The following GPR63 variants were observed in gnomAD, a reference collection of about 807,000 sequenced individuals.
The protein encoded by GPR63 is probable G protein-coupled receptor 63.
Under a neutral mutation model 23.1 loss-of-function variants are expected in GPR63, and 12 were observed. The ratio of observed to expected loss-of-function variants is 0.52; its 90% CI spans 0.33 to 0.84. The LOEUF is 0.84. Ranked by LOEUF, GPR63 falls within the 40% of genes least tolerant of loss-of-function variation. The pLI, the probability that GPR63 is intolerant of heterozygous loss-of-function variation, is 0.02. For synonymous variants in GPR63, 172 were observed against 191.1 expected, an observed-to-expected ratio of 0.90 and a Z score of 0.82; for missense variants, 472 against 515.6, an observed-to-expected ratio of 0.92 and a Z score of 0.82.
chr6:96,810,888 C>T (rs1441584817), intron 1 of GPR63, among the ~76,000 whole-genome samples: 1 of 152,166 alleles, frequency 6.6e-6, no homozygotes, highest in Non-Finnish European at 1.5e-5. Flanking sequence ...TATTCTATCA[C>T]ACTTTTCTTC....
At chr6:96,808,312 A>T (rs1466742605) in intron 1 of GPR63, among the ~76,000 whole-genome samples, 1 of 152,216 alleles carries the variant, frequency 6.6e-6, no homozygotes, top group Non-Finnish European at 1.5e-5. Flanking sequence ...TTTCTTTAAA[A>T]AAATGAGACT....
At chr6:96,836,011 A>C (rs1464542533) in intron 1 of GPR63, among the ~76,000 whole-genome samples, 4 of 152,194 alleles carry the variant, frequency 2.6e-5, no homozygotes, top group Non-Finnish European at 5.9e-5. Flanking sequence ...TAATTGATGT[A>C]ATCAATTATG....
chr6:96,820,304 A>T (rs1655738378), intron 1 of GPR63, among the ~76,000 whole-genome samples: 1 of 152,208 alleles, frequency 6.6e-6, no homozygotes, highest in African/African-American at 2.4e-5. Flanking sequence ...ACATTTAGAA[A>T]CTAGTGACAG....
At chr6:96,833,255 T>C (rs1371858612) in intron 1 of GPR63, among the ~76,000 whole-genome samples, 3 of 152,194 alleles carry the variant, frequency 2.0e-5, no homozygotes, top group African/African-American at 7.2e-5. Context: ...TCCCTTTGTA[T>C]CCACATCCTC....
chr6:96,811,886 A>G (rs186217322), intron 1 of GPR63, among the ~76,000 whole-genome samples: 25 of 131,970 alleles, frequency 1.9e-4, no homozygotes, highest in Admixed American at 1.6e-3. Context: ...ATAAATAAAT[A>G]AATAAAATAA....
intron 1 of GPR63, among the ~76,000 whole-genome samples, chr6:96,815,394 T>C (rs1774139315): frequency 6.6e-6 from 1 of 152,188 alleles, no homozygotes; most frequent in Admixed American, 6.5e-5. Context: ...AAGCAGAGAA[T>C]AAAATGGTAG....
chr6:96,836,338 T>A (rs943832155), intron 1 of GPR63, among the ~76,000 whole-genome samples: 1 of 152,230 alleles, frequency 6.6e-6, no homozygotes, highest in African/African-American at 2.4e-5. Context: ...CCATGATTCT[T>A]AGAAACACTA....
chr6:96,801,009 T>C (rs1365099225), intron 1 of GPR63, among the ~76,000 whole-genome samples: 2 of 152,230 alleles, frequency 1.3e-5, no homozygotes, highest in African/African-American at 2.4e-5. Flanking sequence ...CTTTATCTGC[T>C]GTCTTACACA....
At chr6:96,831,949 T>C (rs1774595312) in intron 1 of GPR63, among the ~76,000 whole-genome samples, 2 of 151,680 alleles carry the variant, frequency 1.3e-5, no homozygotes, top group Non-Finnish European at 2.9e-5. Flanking sequence ...TTTTAAAAAT[T>C]GCACTGTAAG....
At chr6:96,809,495 C>G (rs767583586) in intron 1 of GPR63, among the ~76,000 whole-genome samples, 24 of 152,082 alleles carry the variant, frequency 1.6e-4, no homozygotes, top group Admixed American at 5.2e-4. Flanking sequence ...ATGCATGTAT[C>G]TATATCTACA....
At chr6:96,806,541 G>A (rs1012404514) in intron 1 of GPR63, among the ~76,000 whole-genome samples, 1 of 152,210 alleles carries the variant, frequency 6.6e-6, no homozygotes, top group African/African-American at 2.4e-5. Flanking sequence ...GGTGTCTGTG[G>A]CACATAGGGA....
chr6:96,799,810 C>A lies in GPR63; in HGVS notation c.-79G>T. The A allele has an allele frequency of 7.2e-7, 1 of 1,394,486 alleles. No individual in the cohort carries two copies. Among genetic ancestry groups the A allele is most frequent in the South Asian group, 1.2e-5 (1 of 85,726 alleles). 86.4% of individuals were successfully genotyped at this position (1,394,486 alleles called of 1,614,324 possible). On this transcript the variant is annotated 5_prime_UTR_variant, in exon 2 of 2. Coordinates refer to ENST00000229955, the MANE Select transcript of GPR63 (RefSeq NM_030784.4). ...TCAACACAGAACAGCAGTATCAGGT[C>A]CCATTGATGGGCTTGGAAATACATT... is the stretch of plus-strand genomic sequence containing the variant.
At position 96,836,053 on chromosome 6, in the gene GPR63, A is replaced by G. The variant is rs1328239844; in HGVS notation, c.-151+1215T>C. On this transcript the variant is annotated intron_variant, in intron 1 of 1. Transcript: ENST00000229955. The stretch of plus-strand genomic sequence containing the variant: ...AAATTTTGGCTATGCAACATTTTAC[A>G]AAATATAGGGACTTTTCATCAGCAC... 2.0e-5 allele frequency among the ~76,000 whole-genome samples: 3 copies of G among 152,134 alleles called. No individual in the cohort carries two copies. The East Asian group carries it at 5.8e-4, about 29-fold the overall frequency.
At chr6:96,835,359 T>C (rs772955680) in intron 1 of GPR63, among the ~76,000 whole-genome samples, 60 of 152,288 alleles carry the variant, frequency 3.9e-4, no homozygotes, top group Admixed American at 9.1e-4. Flanking sequence ...AGTTATACTA[T>C]ATATAGTATG....
At chr6:96,836,079 C>T (rs889595040) in intron 1 of GPR63, among the ~76,000 whole-genome samples, 1 of 151,924 alleles carries the variant, frequency 6.6e-6, no homozygotes, top group Non-Finnish European at 1.5e-5. Context: ...TCATCAGCAC[C>T]TTAGATTTGT....
intron 1 of GPR63, among the ~76,000 whole-genome samples, chr6:96,828,272 G>GGA: frequency 6.6e-6 from 1 of 152,030 alleles, no homozygotes; most frequent in Admixed American, 6.6e-5. Context: ...GTATGCAGAG[G>GGA]GAGAGAGAGA....
In GPR63 at chr6:96,801,730, C is replaced by A. The variant is rs184733582; in HGVS notation, c.-150-1849G>T. Among the ~76,000 whole-genome samples, 261 of 152,330 alleles carry A rather than the reference C, an allele frequency of 1.7e-3. 1 individual carries two copies. Among genetic ancestry groups the A allele is most frequent in the Middle Eastern group, 6.8e-3 (2 of 294 alleles). The stretch of plus-strand genomic sequence containing the variant: ...ATATCAACTTTACTACTTGCGTTCA[C>A]TTCTACGGTTTAATTTCTTTGCCCT... On this transcript the variant is annotated intron_variant, in intron 1 of 1. Transcript: ENST00000229955.
At chr6:96,828,632 C>T (rs1774502942) in intron 1 of GPR63, among the ~76,000 whole-genome samples, 1 of 146,858 alleles carries the variant, frequency 6.8e-6, no homozygotes, top group Admixed American at 6.8e-5. Context: ...GGAAAGAAGA[C>T]AAAGAAAAAG....
Position 96,830,293 on chromosome 6 carries a change from T to C in GPR63, c.-151+6975A>G, listed in dbSNP as rs576885186. ...CAATAAACATTCTTTAAAAGTAACA[T>C]GGCAAAATCAGTTTCTAAAGGATAT... On this transcript the variant is annotated intron_variant, in intron 1 of 1. Coordinates refer to ENST00000229955, the MANE Select transcript of GPR63 (RefSeq NM_030784.4). Among the ~76,000 whole-genome samples the C allele has an allele frequency of 3.5e-4, 54 of 152,176 alleles. 1 individual carries two copies. Among genetic ancestry groups the C allele is most frequent in the Non-Finnish European group, 6.8e-4 (46 of 68,022 alleles).
Sources: allele counts gnomAD v4.1 joint callset (sites outside exome capture counted in the v4.1 genomes callset), GRCh38; gene constraint gnomAD v4.1.1; transcripts MANE v1.5; gene names NCBI Gene and HGNC (gene_info 2026-07-23, HGNC 2026-07-21).